The following ST8SIA5 variants were observed in gnomAD, a reference collection of about 807,000 sequenced individuals.
ST8SIA5 encodes the protein ST8 alpha-N-acetyl-neuraminide alpha-2,8-sialyltransferase 5, also known as alpha-2,8-sialyltransferase 8E.
ST8SIA5 carries 24 observed loss-of-function variants against 40.2 expected under a neutral mutation model. The ratio of observed to expected loss-of-function variants is 0.60; its 90% CI spans 0.43 to 0.84. ST8SIA5 has a LOEUF of 0.84. Ranked by LOEUF, ST8SIA5 falls within the 40% of genes least tolerant of loss-of-function variation. ST8SIA5 has a pLI of 0.00. For missense variants in ST8SIA5, 465 were observed against 498.5 expected (o/e 0.93, Z 0.64); for synonymous variants, 198 against 201.8 (o/e 0.98, Z 0.16).
rs375588877 is a variant in ST8SIA5 at position 46,755,070 on chromosome 18, C to T, written c.131+1308G>A. Among the ~76,000 whole-genome samples the T allele has an allele frequency of 3.3e-5, 5 of 152,356 alleles. No individual in the cohort carries two copies. In the East Asian group the frequency reaches 9.6e-4, roughly 29 times the overall value. ...AGGAGCTGCCACCAACCAGGGAACG[C>T]TCCCTGGGAAGGTCCGGAGCAGCAA... On this transcript the variant is annotated intron_variant, in intron 1 of 6. Coordinates refer to ENST00000315087, the MANE Select transcript of ST8SIA5 (RefSeq NM_013305.6).
chr18:46,725,235 A>T (rs1488609102), intron 1 of ST8SIA5, among the ~76,000 whole-genome samples: 1 of 152,190 alleles, frequency 6.6e-6, no homozygotes, highest in African/African-American at 2.4e-5. Context: ...CTAGAGGCCA[A>T]GAAAACAGTA....
chr18:46,730,970 C>T (rs2039979875), intron 1 of ST8SIA5, among the ~76,000 whole-genome samples: 1 of 152,120 alleles, frequency 6.6e-6, no homozygotes, highest in Non-Finnish European at 1.5e-5. Flanking sequence ...GACAGAGCAA[C>T]AACACCCTGC....
chr18:46,683,234 C>CA (rs1370996888), intron 5 of ST8SIA5, among the ~76,000 whole-genome samples: 1 of 152,144 alleles, frequency 6.6e-6, no homozygotes, highest in Non-Finnish European at 1.5e-5. Context: ...ACAAAGGCAC[C>CA]ATACAAACAT....
chr18:46,675,039 G>A lies in ST8SIA5; in HGVS notation c.*5003C>T, dbSNP rs1173214795. On this transcript the variant is annotated 3_prime_UTR_variant, in exon 7 of 7. Coordinates refer to ENST00000315087, the MANE Select transcript of ST8SIA5 (RefSeq NM_013305.6). ...ATGGGCCCCACAAAAGGTATTTTTG[G>A]AAGGTTATTCTCTGAAAGCAAAAAG... 1 of 152,188 alleles carries A rather than the reference G, an allele frequency of 6.6e-6. No homozygotes were observed. The highest frequency in any genetic ancestry group is 1.5e-5 in the Non-Finnish European group (1 of 68,058). 9.4% of individuals were successfully genotyped at this position (152,188 alleles called of 1,614,324 possible). A position where few individuals can be genotyped will look rare whatever the true frequency, so the allele number is the denominator to read the frequency against.
chr18:46,724,024 G>T (rs1013471261), intron 1 of ST8SIA5, among the ~76,000 whole-genome samples: 8 of 152,176 alleles, frequency 5.3e-5, no homozygotes, highest in African/African-American at 1.9e-4. Context: ...GGTCACTGGA[G>T]CTGGGAACTG....
At chr18:46,740,116 A>G (rs1035549410) in intron 1 of ST8SIA5, among the ~76,000 whole-genome samples, 1 of 152,188 alleles carries the variant, frequency 6.6e-6, no homozygotes, top group South Asian at 2.1e-4. Flanking sequence ...AATCTGCAAC[A>G]TCCTCCCAAT....
At chr18:46,721,012 C>G in intron 1 of ST8SIA5, among the ~76,000 whole-genome samples, 1 of 152,108 alleles carries the variant, frequency 6.6e-6, no homozygotes, top group Non-Finnish European at 1.5e-5. Context: ...CACCCACCCA[C>G]ACACACCTAC....
intron 5 of ST8SIA5, among the ~76,000 whole-genome samples, chr18:46,685,034 C>T (rs2039432095): frequency 1.3e-5 from 2 of 152,106 alleles, no homozygotes; most frequent in Admixed American, 1.3e-4. Flanking sequence ...ATGGTGTGTC[C>T]AGTGCTGGAG....
chr18:46,680,484 C>T lies in ST8SIA5; in HGVS notation c.689G>A (p.Arg230Gln), dbSNP rs1430588010. Reference sequence around the variant, plus strand: ...CACCTGCAGCACGCGATAGAACGGCCGCCGCCACTTCTCCAGCTTGTGGAA... The same window carrying T: ...CACCTGCAGCACGCGATAGAACGGCTGCCGCCACTTCTCCAGCTTGTGGAA... ...ERFHKLEKWR[R>Q]PFYRVLQVYE... is the part of the protein sequence containing the mutation. The change falls in exon 7 of 7, where the codon CGG (arginine) becomes CAG (glutamine). Residue 230 changes from arginine (R) to glutamine (Q), a missense_variant. By Grantham distance (43) the Arg-to-Gln change is conservative. Transcript: ENST00000315087. 6.3e-7 allele frequency: 1 copy of T among 1,592,724 alleles called. No individual in the cohort carries two copies. The highest frequency in any genetic ancestry group is 2.3e-5 in the East Asian group (1 of 44,024).
chr18:46,740,181 G>GA (rs1164401086), intron 1 of ST8SIA5, among the ~76,000 whole-genome samples: 1 of 151,872 alleles, frequency 6.6e-6, no homozygotes, highest in Non-Finnish European at 1.5e-5. Flanking sequence ...TTAAATTGAT[G>GA]AATAGTCTGG....
chr18:46,671,090 T>A lies in ST8SIA5; in HGVS notation c.*8952A>T, dbSNP rs1334287352. The stretch of plus-strand genomic sequence containing the variant: ...TGAGTGAATTTGCTGGGTTCGATCC[T>A]AGGAAGTGAGTTGTGTTTTCACCCT... On this transcript the variant is annotated 3_prime_UTR_variant, in exon 7 of 7. Coordinates refer to ENST00000315087, the MANE Select transcript of ST8SIA5 (RefSeq NM_013305.6). 6.6e-6 allele frequency: 1 copy of A among 152,216 alleles called. No individual in the cohort carries two copies. Among genetic ancestry groups the A allele is most frequent in the Non-Finnish European group, 1.5e-5 (1 of 68,030 alleles). The allele number at this position is 152,216 out of a possible 1,614,324, so 9.4% of individuals were successfully genotyped here.
At chr18:46,742,099 T>TA (rs201034484) in intron 1 of ST8SIA5, among the ~76,000 whole-genome samples, 245 of 146,524 alleles carry the variant, frequency 1.7e-3, no homozygotes, top group Middle Eastern at 7.1e-3. Context: ...ACGCTCCATG[T>TA]AAAAAATAAA....
Position 46,669,327 on chromosome 18 carries a change from C to T in ST8SIA5, c.*10715G>A, listed in dbSNP as rs916211923. On this transcript the variant is annotated 3_prime_UTR_variant, in exon 7 of 7. Coordinates refer to ENST00000315087, the MANE Select transcript of ST8SIA5 (RefSeq NM_013305.6). ...AGCCTTGGCACCCAAAAGGAGATGT[C>T]CATCACCCACCATGGGTGCCCTGGG... The T allele has an allele frequency of 1.3e-5, 2 of 152,278 alleles. No individual in the cohort carries two copies. Among genetic ancestry groups the T allele is most frequent in the Non-Finnish European group, 2.9e-5 (2 of 68,124 alleles). The allele number at this position is 152,278 out of a possible 1,614,324, so 9.4% of individuals were successfully genotyped here.
rs970325031 is a variant in ST8SIA5 at position 46,670,621 on chromosome 18, C to T, written c.*9421G>A. 8.5e-5 allele frequency: 13 copies of T among 152,074 alleles called. No individual in the cohort carries two copies. Among genetic ancestry groups the T allele is most frequent in the African/African-American group, 3.1e-4 (13 of 41,390 alleles). 9.4% of individuals were successfully genotyped at this position (152,074 alleles called of 1,614,324 possible). ...TGTGCTTTTGTATTCTTTATTGAGACAGGGTTTTGCCATGTTGCCCAGGTT... is the reference window on the plus strand; with the variant it reads ...TGTGCTTTTGTATTCTTTATTGAGATAGGGTTTTGCCATGTTGCCCAGGTT... On this transcript the variant is annotated 3_prime_UTR_variant, in exon 7 of 7. Transcript: ENST00000315087.
chr18:46,729,888 G>C (rs150889033), intron 1 of ST8SIA5, among the ~76,000 whole-genome samples: 4 of 152,218 alleles, frequency 2.6e-5, no homozygotes, highest in East Asian at 1.9e-4. Context: ...CAGAGGTTAG[G>C]GGGTGGTGAG....
chr18:46,716,120 A>ATAGATAGATAGG (rs1453574420), intron 1 of ST8SIA5, among the ~76,000 whole-genome samples: 2 of 151,976 alleles, frequency 1.3e-5, no homozygotes, highest in Non-Finnish European at 2.9e-5. Flanking sequence ...AGATAGATAG[A>ATAGATAGATAGG]TAGATAGATA....
chr18:46,693,548 C>T (rs527372277), intron 2 of ST8SIA5, among the ~76,000 whole-genome samples: 7 of 152,106 alleles, frequency 4.6e-5, no homozygotes, highest in African/African-American at 7.2e-5. Context: ...TCCCTTTGAC[C>T]GAAACCTGCA....
chr18:46,733,173 G>A (rs541065428), intron 1 of ST8SIA5, among the ~76,000 whole-genome samples: 8 of 152,256 alleles, frequency 5.3e-5, no homozygotes, highest in African/African-American at 1.7e-4. Flanking sequence ...CTCAACACTG[G>A]TGGATTCAAC....
chr18:46,752,272 C>G (rs1167210658), intron 1 of ST8SIA5, among the ~76,000 whole-genome samples: 1 of 152,124 alleles, frequency 6.6e-6, no homozygotes, highest in Non-Finnish European at 1.5e-5. Context: ...TTTAGAGTCC[C>G]TCGTCCATTC....
Sources: allele counts gnomAD v4.1 joint callset (sites outside exome capture counted in the v4.1 genomes callset), GRCh38; gene constraint gnomAD v4.1.1; transcripts MANE v1.5; gene names NCBI Gene and HGNC (gene_info 2026-07-23, HGNC 2026-07-21).